Variants in KLC1 observed in about 807,000 individuals in gnomAD.
KLC1 encodes the protein kinesin light chain 1.
Under a neutral mutation model 84.2 loss-of-function variants are expected in KLC1, and 30 were observed. The observed-to-expected ratio is 0.36, with a 90% CI of 0.27 to 0.48. KLC1 has a LOEUF of 0.48. Ranked by LOEUF, KLC1 falls within the 20% of genes least tolerant of loss-of-function variation. KLC1 has a pLI of 0.99. For missense variants in KLC1, 499 were observed against 805.4 expected (o/e 0.62, Z 4.60); for synonymous variants, 289 against 293.3 (o/e 0.99, Z 0.15).
At chr14:103,643,151 A>T (rs1332120121) in intron 1 of KLC1, among the ~76,000 whole-genome samples, 4 of 152,250 alleles carry the variant, frequency 2.6e-5, no homozygotes, top group Non-Finnish European at 5.9e-5. Context: ...ATTGATATAA[A>T]TAATTACATT....
intron 3 of KLC1, among the ~76,000 whole-genome samples, chr14:103,658,095 CCT>C (rs1363495200): frequency 6.6e-6 from 1 of 152,180 alleles, no homozygotes; most frequent in Non-Finnish European, 1.5e-5. Context: ...CTCTGGGCAA[CCT>C]CTCTGCCCCT....
rs1271037213 is a variant in KLC1 at position 103,687,218 on chromosome 14, A to C, written c.1781+7A>C. On this transcript the variant is annotated splice_region_variant and intron_variant, in intron 14 of 16. Transcript: ENST00000334553. Reference sequence around the variant, plus strand: ...GTGAGCCAAAGAACCCCGGGTAACTATCTCTTCCAGCTCTCCCGACTCCCT... The same window carrying C: ...GTGAGCCAAAGAACCCCGGGTAACTCTCTCTTCCAGCTCTCCCGACTCCCT... 2.0e-6 allele frequency: 3 copies of C among 1,538,388 alleles called. No homozygotes were observed. Among genetic ancestry groups the C allele is most frequent in the South Asian group, 2.4e-5 (2 of 83,606 alleles).
chr14:103,636,864 A>G (rs1281171432), intron 1 of KLC1, among the ~76,000 whole-genome samples: 1 of 151,244 alleles, frequency 6.6e-6, no homozygotes, highest in Non-Finnish European at 1.5e-5. Context: ...CTGGGACTAC[A>G]GGCGCCTGCC....
At chr14:103,639,138 A>G (rs2077290910) in intron 1 of KLC1, among the ~76,000 whole-genome samples, 4 of 152,068 alleles carry the variant, frequency 2.6e-5, no homozygotes, top group African/African-American at 7.2e-5. Flanking sequence ...TGCTCCCAAA[A>G]CTAACATATT....
rs1041006833 is a variant in KLC1 at position 103,646,712 on chromosome 14, C to T, written c.-1-7852C>T. On this transcript the variant is annotated intron_variant, in intron 1 of 16. Transcript: ENST00000334553. ...CTGGTCTTGAACCCCTGGGCTCAAA[C>T]GATGTTTCTGCTTCAGCCTCCCAAG... Among the ~76,000 whole-genome samples, 13 of 152,092 alleles carry T rather than the reference C, an allele frequency of 8.5e-5. No individual in the cohort carries two copies. In the South Asian group the frequency reaches 1.9e-3, roughly 22 times the overall value.
At chr14:103,700,611 C>T (rs540956761) in intron 15 of KLC1, 44 bp from the exon 16 acceptor site, 161 of 1,530,668 alleles carry the variant, frequency 1.1e-4, no homozygotes, top group Middle Eastern at 5.7e-4. Context: ...GCCTGAGGGC[C>T]GCCTGCACGC....
At position 103,662,163 on chromosome 14, in the gene KLC1, C is replaced by T. The variant is rs138020301; in HGVS notation, c.540C>T (p.Phe180=). The T allele has an allele frequency of 3.7e-6, 6 of 1,613,782 alleles. No homozygotes were observed. In the Admixed American group the frequency reaches 5.0e-5, roughly 13 times the overall value. Residue 180 remains phenylalanine, a synonymous_variant, in exon 4 of 17, where the codon TTC becomes TTT. Transcript: ENST00000334553. ...DSTKEPLDDL[F]PNDEDDPGQG... is the part of the protein sequence containing the mutation. ...CCAAAGAGCCTCTGGATGACCTTTT[C>T]CCCAATGATGAAGACGACCCAGGGC...
chr14:103,671,563 G>T (rs568730923), intron 7 of KLC1, among the ~76,000 whole-genome samples: 2 of 152,160 alleles, frequency 1.3e-5, no homozygotes, highest in Non-Finnish European at 1.5e-5. Context: ...TAGAGATGGG[G>T]TTTCACCATG....
chr14:103,671,336 C>T (rs368011843), intron 7 of KLC1, among the ~76,000 whole-genome samples: 2 of 151,576 alleles, frequency 1.3e-5, no homozygotes, highest in Non-Finnish European at 2.9e-5. Context: ...TATGAAGATT[C>T]GGGTATTGGG....
intron 14 of KLC1, 70 bp from the exon 15 acceptor site, chr14:103,692,289 T>C: frequency 6.9e-7 from 1 of 1,442,374 alleles, no homozygotes; most frequent in East Asian, 2.5e-5. Flanking sequence ...GGGGCTTTGC[T>C]TGTGCTTCCT....
chr14:103,635,738 G>A (rs1344268818), intron 1 of KLC1, among the ~76,000 whole-genome samples: 4 of 151,988 alleles, frequency 2.6e-5, no homozygotes, highest in Admixed American at 6.6e-5. Flanking sequence ...GGGCGACAGA[G>A]TGAGACTCCC....
chr14:103,699,057 G>A (rs1465903921), intron 15 of KLC1: 12 of 1,564,456 alleles, frequency 7.7e-6, no homozygotes, highest in South Asian at 2.3e-5. Context: ...CTCAGGCTTG[G>A]TGGCCCCGCC....
chr14:103,638,915 G>A (rs1185555850), intron 1 of KLC1, among the ~76,000 whole-genome samples: 1 of 152,076 alleles, frequency 6.6e-6, no homozygotes. Flanking sequence ...GTGTGTGTGT[G>A]TGCGTGCATG....
At chr14:103,653,718 C>T (rs2151484855) in intron 1 of KLC1, among the ~76,000 whole-genome samples, 1 of 152,310 alleles carries the variant, frequency 6.6e-6, no homozygotes, top group African/African-American at 2.4e-5. Flanking sequence ...AAGGAAATAA[C>T]TCTGACGTGT....
At chr14:103,631,374 C>G (rs1189918856) in intron 1 of KLC1, among the ~76,000 whole-genome samples, 1 of 152,078 alleles carries the variant, frequency 6.6e-6, no homozygotes, top group Non-Finnish European at 1.5e-5. Flanking sequence ...GCCACCGCAC[C>G]TGGCCCAAAT....
At chr14:103,675,643 T>G in intron 10 of KLC1, 42 bp downstream of exon 10, 1 of 1,599,094 alleles carries the variant, frequency 6.3e-7, no homozygotes, top group Admixed American at 1.7e-5. Context: ...TTGTATATAC[T>G]GCATTCAAGA....
chr14:103,665,706 A>G (rs890643218), intron 5 of KLC1, among the ~76,000 whole-genome samples: 13 of 151,966 alleles, frequency 8.6e-5, no homozygotes, highest in African/African-American at 2.9e-4. Flanking sequence ...CCAAAGTGCT[A>G]GGATTACAGG....
At position 103,694,055 on chromosome 14, in the gene KLC1, A is replaced by C; in HGVS notation, c.1848+1630A>C. 2.0e-6 allele frequency: 2 copies of C among 994,566 alleles called. No homozygotes were observed. Among genetic ancestry groups the C allele is most frequent in the Non-Finnish European group, 2.4e-6 (2 of 834,604 alleles). The allele number at this position is 994,566 out of a possible 1,614,324, so 61.6% of individuals were successfully genotyped here. A position where few individuals can be genotyped will look rare whatever the true frequency, so the allele number is the denominator to read the frequency against. On this transcript the variant is annotated intron_variant, in intron 15 of 16. Transcript: ENST00000334553. The surrounding 1 kb of genome is among the most constrained non-coding windows in gnomAD (Gnocchi z 4.5). ...ACCCCTTTCAGAACGATAGGCATTT[A>C]GTGATCTATGGCAGTAAAGCCTGAA...
At position 103,679,546 on chromosome 14, in the gene KLC1, G is replaced by C. The variant is rs770845853; in HGVS notation, c.1650+1G>C. Reference sequence around the variant, plus strand: ...GAGTATGAGCGTAGAGTGGAACGGGGTAAGTACAGTACACAGCGGGCACGT... The same window carrying C: ...GAGTATGAGCGTAGAGTGGAACGGGCTAAGTACAGTACACAGCGGGCACGT... On this transcript the variant is annotated splice_donor_variant, in intron 13 of 16. Coordinates refer to ENST00000334553, the MANE Select transcript of KLC1 (RefSeq NM_001394837.1). LOFTEE classifies it high-confidence loss of function. The C allele has an allele frequency of 1.2e-6, 2 of 1,612,294 alleles. No homozygotes were observed. The highest frequency in any genetic ancestry group is 1.7e-6 in the Non-Finnish European group (2 of 1,178,500).
Sources: allele counts gnomAD v4.1 joint callset (sites outside exome capture counted in the v4.1 genomes callset), GRCh38; gene constraint gnomAD v4.1.1; non-coding constraint Gnocchi (gnomAD v3.1); transcripts MANE v1.5; gene names NCBI Gene and HGNC (gene_info 2026-07-23, HGNC 2026-07-21).